Variants in MAP4 observed in about 807,000 individuals in gnomAD.
MAP4 encodes microtubule associated protein 4.
A neutral mutation model predicts 170.2 loss-of-function variants in MAP4; 76 were observed. The observed-to-expected ratio is 0.45, with a 90% CI of 0.37 to 0.54. The LOEUF (loss-of-function observed/expected upper bound fraction) is 0.54, where lower values mean the gene tolerates loss of function less well. MAP4 is among the 20% of genes least tolerant of loss of function. MAP4 has a pLI of 0.00. For missense variants in MAP4, 2,506 were observed against 2,748.0 expected, an observed-to-expected ratio of 0.91 and a Z score of 1.97; for synonymous variants, 909 against 994.5, an observed-to-expected ratio of 0.91 and a Z score of 1.62.
At chr3:47,925,415 G>A (rs567810506) in intron 4 of MAP4, among the ~76,000 whole-genome samples, 2 of 152,240 alleles carry the variant, frequency 1.3e-5, no homozygotes, top group South Asian at 4.1e-4. Flanking sequence ...ATTTGAGCTT[G>A]GGCGGTCAAG....
chr3:48,055,087 G>T (rs564281377), intron 1 of MAP4, among the ~76,000 whole-genome samples: 1 of 152,306 alleles, frequency 6.6e-6, no homozygotes, highest in South Asian at 2.1e-4. Flanking sequence ...TTTCATCCCT[G>T]CAGACCAGTA....
chr3:47,894,237 T>C (rs77580994), intron 10 of MAP4, among the ~76,000 whole-genome samples: 6,872 of 152,148 alleles, frequency 0.045, 223 homozygotes, highest in Non-Finnish European at 0.072. Flanking sequence ...GGAAGTGAGG[T>C]ATAACAAAAT....
At chr3:48,063,811 A>G (rs1193077827) in intron 1 of MAP4, among the ~76,000 whole-genome samples, 2 of 152,252 alleles carry the variant, frequency 1.3e-5, no homozygotes, top group African/African-American at 2.4e-5. Context: ...CTATGAAGAC[A>G]GAAAGATATT....
intron 5 of MAP4, among the ~76,000 whole-genome samples, chr3:47,919,221 G>A (rs1267635614): frequency 2.0e-5 from 3 of 151,892 alleles, no homozygotes; most frequent in East Asian, 3.9e-4. Flanking sequence ...GTGAACCACC[G>A]CGCCCGGCCT....
At chr3:47,951,290 TCA>T (rs778258499) in intron 3 of MAP4, among the ~76,000 whole-genome samples, 53 of 152,150 alleles carry the variant, frequency 3.5e-4, no homozygotes, top group Non-Finnish European at 6.6e-4. Flanking sequence ...TTAAAGTATC[TCA>T]CTTTTTAAAA....
intron 1 of MAP4, among the ~76,000 whole-genome samples, chr3:48,014,980 T>C (rs1162779004): frequency 1.3e-5 from 2 of 152,002 alleles, no homozygotes; most frequent in Non-Finnish European, 2.9e-5. Context: ...ATAAAGCAGA[T>C]ATAGATATGG....
At chr3:47,989,795 A>G (rs1160706431) in intron 2 of MAP4, among the ~76,000 whole-genome samples, 1 of 152,238 alleles carries the variant, frequency 6.6e-6, no homozygotes, top group African/African-American at 2.4e-5. Context: ...TCCTAATTCA[A>G]AAGATGCTAT....
chr3:48,034,225 A>C (rs1417197088), intron 1 of MAP4, among the ~76,000 whole-genome samples: 3 of 152,182 alleles, frequency 2.0e-5, no homozygotes, highest in African/African-American at 7.2e-5. Flanking sequence ...TGCTTAGAGG[A>C]CATTTCACAC....
At chr3:48,045,435 G>A (rs2100123971) in intron 1 of MAP4, among the ~76,000 whole-genome samples, 1 of 151,996 alleles carries the variant, frequency 6.6e-6, no homozygotes, top group Non-Finnish European at 1.5e-5. Flanking sequence ...ATTCTCATAA[G>A]AGCACAAACC....
At chr3:47,948,360 A>G (rs2100061486) in intron 3 of MAP4, among the ~76,000 whole-genome samples, 1 of 149,952 alleles carries the variant, frequency 6.7e-6, no homozygotes, top group African/African-American at 2.5e-5. Flanking sequence ...CAACATATGG[A>G]GTAGCTGGGA....
chr3:48,036,019 C>A (rs2100118601), intron 1 of MAP4, among the ~76,000 whole-genome samples: 1 of 152,072 alleles, frequency 6.6e-6, no homozygotes, highest in African/African-American at 2.4e-5. Flanking sequence ...AATTACTTTG[C>A]TTAATATGTT....
At chr3:48,032,433 C>G (rs1044487897) in intron 1 of MAP4, among the ~76,000 whole-genome samples, 11 of 151,000 alleles carry the variant, frequency 7.3e-5, no homozygotes, top group Non-Finnish European at 1.2e-4. Context: ...ATCTCGGAGG[C>G]GGAGGTTGCA....
chr3:48,063,332 A>C (rs1553749945), intron 1 of MAP4, among the ~76,000 whole-genome samples: 1 of 151,910 alleles, frequency 6.6e-6, no homozygotes, highest in Non-Finnish European at 1.5e-5. Flanking sequence ...GCTACTCAGG[A>C]CGCTAAGCCA....
chr3:48,056,680 C>A (rs2100131962), intron 1 of MAP4, among the ~76,000 whole-genome samples: 1 of 119,870 alleles, frequency 8.3e-6, no homozygotes, highest in African/African-American at 3.7e-5. Context: ...GGTCAGCCCT[C>A]CGCCCGGCCA....
At chr3:47,950,179 T>TA (rs1276712297) in intron 3 of MAP4, among the ~76,000 whole-genome samples, 1 of 152,244 alleles carries the variant, frequency 6.6e-6, no homozygotes, top group African/African-American at 2.4e-5. Flanking sequence ...CTATAGCTGA[T>TA]ACACCTACAT....
chr3:47,880,208 C>T (rs2096443529), intron 10 of MAP4, among the ~76,000 whole-genome samples: 1 of 151,658 alleles, frequency 6.6e-6, no homozygotes, highest in Non-Finnish European at 1.5e-5. Context: ...ATTCTCCTGC[C>T]TCAGCCTCCC....
intron 10 of MAP4, chr3:47,892,642 GA>G: frequency 7.1e-7 from 1 of 1,403,494 alleles, no homozygotes; most frequent in Non-Finnish European, 9.2e-7. Context: ...TCAAGCAGTT[GA>G]GTATTAAATG....
At chr3:48,010,022 A>G (rs184504992) in intron 1 of MAP4, among the ~76,000 whole-genome samples, 1 of 152,300 alleles carries the variant, frequency 6.6e-6, no homozygotes, top group African/African-American at 2.4e-5. Flanking sequence ...CAACTTCACA[A>G]CGGAAGTAAG....
intron 3 of MAP4, among the ~76,000 whole-genome samples, chr3:47,951,381 G>C (rs970465861): frequency 6.6e-6 from 1 of 151,668 alleles, no homozygotes; most frequent in African/African-American, 2.4e-5. Context: ...CTCTTTCCAC[G>C]GTCTCCCTCT....
Sources: gnomAD v4.1 joint callset for allele counts (sites outside exome capture counted in the v4.1 genomes callset) on GRCh38, gnomAD v4.1.1 for gene constraint, MANE v1.5 for transcripts, NCBI Gene and HGNC (gene_info 2026-07-23, HGNC 2026-07-21) for gene names.